The following PCSK2 variants were observed in gnomAD, a reference collection of about 807,000 sequenced individuals.
The protein encoded by PCSK2 is neuroendocrine convertase 2.
Under a neutral mutation model 69.7 loss-of-function variants are expected in PCSK2, and 14 were observed. That is an observed-to-expected ratio of 0.20 (90% CI 0.13 to 0.31). The LOEUF is 0.31. Among genes scored for constraint, PCSK2 ranks in the 10% least tolerant of loss-of-function variants. The pLI is 1.00. For missense variants in PCSK2, 544 were observed against 842.5 expected (o/e 0.65, Z 4.39); for synonymous variants, 307 against 320.7 (o/e 0.96, Z 0.46).
At chr20:17,350,221 G>A (rs149487271) in intron 2 of PCSK2, among the ~76,000 whole-genome samples, 75 of 149,564 alleles carry the variant, frequency 5.0e-4, no homozygotes, top group African/African-American at 1.7e-3. Context: ...GGAGGTTAGC[G>A]CCTTAATATA....
intron 2 of PCSK2, among the ~76,000 whole-genome samples, chr20:17,265,777 G>C (rs1236687328): frequency 6.6e-6 from 1 of 152,130 alleles, no homozygotes; most frequent in Non-Finnish European, 1.5e-5. Flanking sequence ...TGCACAAAGA[G>C]AATTATAGAG....
At chr20:17,244,178 T>C (rs747585045) in intron 1 of PCSK2, among the ~76,000 whole-genome samples, 1 of 152,192 alleles carries the variant, frequency 6.6e-6, no homozygotes, top group Non-Finnish European at 1.5e-5. Flanking sequence ...TGCAGTAAAA[T>C]GTTAACAATT....
chr20:17,319,230 A>G (rs952977725), intron 2 of PCSK2, among the ~76,000 whole-genome samples: 1 of 152,238 alleles, frequency 6.6e-6, no homozygotes, highest in African/African-American at 2.4e-5. Context: ...AGCTTTGGCT[A>G]TGTAACAAAC....
At chr20:17,415,891 C>G (rs1003185925) in intron 6 of PCSK2, among the ~76,000 whole-genome samples, 1 of 152,160 alleles carries the variant, frequency 6.6e-6, no homozygotes, top group African/African-American at 2.4e-5. Flanking sequence ...ACTGCCTGAT[C>G]TTTGACAAAC....
At chr20:17,274,462 C>A (rs1374073388) in intron 2 of PCSK2, among the ~76,000 whole-genome samples, 1 of 152,188 alleles carries the variant, frequency 6.6e-6, no homozygotes, top group Non-Finnish European at 1.5e-5. Flanking sequence ...CAATTCTGGG[C>A]ATAGCCAGCC....
At chr20:17,402,949 T>C (rs1319157886) in intron 5 of PCSK2, among the ~76,000 whole-genome samples, 1 of 150,642 alleles carries the variant, frequency 6.6e-6, no homozygotes, top group Non-Finnish European at 1.5e-5. Context: ...AGAGCGAGAC[T>C]CCGTCTCAAA....
chr20:17,358,474 A>G, intron 3 of PCSK2, 34 bp downstream of exon 3: 1 of 1,105,196 alleles, frequency 9.0e-7, no homozygotes, highest in Non-Finnish European at 1.4e-6. Flanking sequence ...GACATTTCCC[A>G]TCTTGAGACT....
intron 2 of PCSK2, among the ~76,000 whole-genome samples, chr20:17,271,530 G>C (rs1987866219): frequency 6.6e-6 from 1 of 152,090 alleles, no homozygotes; most frequent in African/African-American, 2.4e-5. Context: ...AGGTGGGTCA[G>C]TTGTAAGCAA....
intron 5 of PCSK2, among the ~76,000 whole-genome samples, chr20:17,383,323 T>C (rs1470435896): frequency 6.6e-6 from 1 of 152,200 alleles, no homozygotes; most frequent in Non-Finnish European, 1.5e-5. Context: ...AAGCTGCAGG[T>C]CAGTGCCACA....
At chr20:17,272,331 A>G (rs1209513575) in intron 2 of PCSK2, among the ~76,000 whole-genome samples, 3 of 152,082 alleles carry the variant, frequency 2.0e-5, no homozygotes, top group Admixed American at 2.0e-4. Context: ...CACATCTTAA[A>G]ATCATTTTAG....
intron 2 of PCSK2, among the ~76,000 whole-genome samples, chr20:17,343,380 T>C (rs1990561987): frequency 6.6e-6 from 1 of 152,212 alleles, no homozygotes; most frequent in Non-Finnish European, 1.5e-5. Flanking sequence ...CATGTAGCTG[T>C]CCTCCTGAGG....
At chr20:17,342,113 G>A (rs1205815761) in intron 2 of PCSK2, among the ~76,000 whole-genome samples, 1 of 152,198 alleles carries the variant, frequency 6.6e-6, no homozygotes, top group Non-Finnish European at 1.5e-5. Context: ...ACTACATACT[G>A]TAAATGTTCT....
intron 11 of PCSK2, among the ~76,000 whole-genome samples, chr20:17,472,070 C>T (rs960696211): frequency 2.0e-5 from 3 of 152,204 alleles, no homozygotes; most frequent in Non-Finnish European, 4.4e-5. Flanking sequence ...GGGGAAAATA[C>T]ACCTGGCTGT....
At chr20:17,460,229 A>AAG (rs1169493879) in intron 10 of PCSK2, among the ~76,000 whole-genome samples, 3 of 151,868 alleles carry the variant, frequency 2.0e-5, no homozygotes, top group Admixed American at 6.6e-5. Context: ...AAACAAATAA[A>AAG]AGAGAGAGAG....
intron 2 of PCSK2, among the ~76,000 whole-genome samples, chr20:17,353,455 C>T (rs1213915529): frequency 2.5e-5 from 3 of 119,186 alleles, no homozygotes; most frequent in African/African-American, 9.5e-5. Flanking sequence ...CAGAGCAAGA[C>T]TCCATCACAC....
intron 11 of PCSK2, chr20:17,479,358 C>T: frequency 1.4e-6 from 1 of 713,446 alleles, no homozygotes; most frequent in South Asian, 1.5e-5. Context: ...CCCGTCTGCA[C>T]ATTCTTTGAC....
At chr20:17,283,328 G>A (rs766238429) in intron 2 of PCSK2, among the ~76,000 whole-genome samples, 3 of 152,140 alleles carry the variant, frequency 2.0e-5, no homozygotes, top group Non-Finnish European at 4.4e-5. Context: ...CACAAGCGGG[G>A]GCATTCAGGG....
chr20:17,452,054 A>T (rs887910641), intron 8 of PCSK2, among the ~76,000 whole-genome samples: 21 of 149,304 alleles, frequency 1.4e-4, no homozygotes, highest in African/African-American at 5.2e-4. Context: ...TAATTTTTGT[A>T]TTTTTAGTAG....
At chr20:17,449,526 G>GTGTATATATATATATATGTATGTATGTA (rs1555796488) in intron 8 of PCSK2, among the ~76,000 whole-genome samples, 1 of 130,690 alleles carries the variant, frequency 7.7e-6, no homozygotes, top group African/African-American at 3.0e-5. Context: ...ATGTATGTAT[G>GTGTATATATATATATATGTATGTATGTA]TATATATATA....
Sources: gnomAD v4.1 joint callset for allele counts (sites outside exome capture counted in the v4.1 genomes callset) on GRCh38, gnomAD v4.1.1 for gene constraint, MANE v1.5 for transcripts, NCBI Gene and HGNC (gene_info 2026-07-23, HGNC 2026-07-21) for gene names.